Variants in MTAP observed in about 807,000 individuals in gnomAD.
The protein encoded by MTAP is S-methyl-5'-thioadenosine phosphorylase.
MTAP carries 33 observed loss-of-function variants against 33.6 expected under a neutral mutation model. The ratio of observed to expected loss-of-function variants is 0.98; its 90% CI spans 0.74 to 1.31. The LOEUF (loss-of-function observed/expected upper bound fraction) is 1.31, where lower values mean the gene tolerates loss of function less well. MTAP is among the 40% of genes most tolerant of loss of function. The pLI, the probability that MTAP is intolerant of heterozygous loss-of-function variation, is 0.00. For synonymous variants in MTAP, 148 were observed against 125.7 expected (o/e 1.18, Z -1.19); for missense variants, 367 against 360.0 (o/e 1.02, Z -0.16).
chr9:21,913,777 TG>T (rs1442549151), intron 1 of MTAP, among the ~76,000 whole-genome samples: 4 of 152,072 alleles, frequency 2.6e-5, no homozygotes, highest in African/African-American at 9.7e-5. Flanking sequence ...AATTGACAAA[TG>T]GGATCTAATT....
At chr9:21,888,727 CT>C (rs2118737551) in intron 1 of MTAP, among the ~76,000 whole-genome samples, 1 of 152,186 alleles carries the variant, frequency 6.6e-6, no homozygotes, top group East Asian at 1.9e-4. Context: ...TTAGGTGAGT[CT>C]CTTGAAGACT....
At chr9:21,819,298 A>G (rs1437595858) in intron 4 of MTAP, among the ~76,000 whole-genome samples, 3 of 151,398 alleles carry the variant, frequency 2.0e-5, no homozygotes, top group African/African-American at 7.3e-5. Context: ...CACTCCCCCA[A>G]CCCCACAAGA....
At chr9:21,813,400 G>A (rs1369523390) in intron 1 of MTAP, among the ~76,000 whole-genome samples, 1 of 152,234 alleles carries the variant, frequency 6.6e-6, no homozygotes, top group African/African-American at 2.4e-5. Context: ...TGAGGGCTGA[G>A]TTGCCAGCTA....
At chr9:21,837,819 C>A in intron 4 of MTAP, 89 bp from the exon 5 acceptor site, 1 of 949,738 alleles carries the variant, frequency 1.1e-6, no homozygotes, top group Non-Finnish European at 1.6e-6. Context: ...AAATATTGAC[C>A]TAGATAAAGT....
At chr9:21,936,736 T>C (rs1359527283) in exon 8 of MTAP, 1 of 152,160 alleles carries the variant, frequency 6.6e-6, no homozygotes, top group Admixed American at 6.5e-5. Context: ...TAGTTTTCAC[T>C]AGAAATTGAA....
rs1825783577 is a variant in MTAP at position 21,862,948 on chromosome 9, C to T, written c.*934C>T. 4 of 982,002 alleles carry T rather than the reference C, an allele frequency of 4.1e-6. No homozygotes were observed. The South Asian group carries it at 1.9e-4, about 46-fold the overall frequency. 60.8% of individuals were successfully genotyped at this position (982,002 alleles called of 1,614,324 possible). A position where few individuals can be genotyped will look rare whatever the true frequency, so the allele number is the denominator to read the frequency against. On this transcript the variant is annotated 3_prime_UTR_variant, in exon 8 of 8. Coordinates refer to ENST00000644715, the MANE Select transcript of MTAP (RefSeq NM_002451.4). ...AAAATAAAAGTGGATTTAGAAAGAT[C>T]CAGTTCTTGAAAACACTGTTTCTGG...
rs146131601 is a variant in MTAP at position 21,899,791 on chromosome 9, A to T, written c.148-31217A>T. On this transcript the variant is annotated intron_variant, in intron 1 of 1. Transcript: ENST00000577563. ...AATTCAAGGTGAGATTTGGATGGGA[A>T]CACAGAGCCAAACCATATCAGTACT... is the stretch of plus-strand genomic sequence containing the variant. Among the ~76,000 whole-genome samples, 838 of 152,140 alleles carry T rather than the reference A, an allele frequency of 5.5e-3. 16 individuals carry two copies. Among genetic ancestry groups the T allele is most frequent in the East Asian group, 0.051 (264 of 5,172 alleles).
intron 1 of MTAP, among the ~76,000 whole-genome samples, chr9:21,910,437 T>C (rs1818553249): frequency 6.6e-6 from 1 of 152,164 alleles, no homozygotes; most frequent in Admixed American, 6.6e-5. Context: ...TGGTCACTAT[T>C]GGAAGATGAC....
At chr9:21,872,549 T>C (rs1022028794) in intron 1 of MTAP, among the ~76,000 whole-genome samples, 3 of 152,206 alleles carry the variant, frequency 2.0e-5, no homozygotes, top group African/African-American at 7.2e-5. Context: ...CTCATCAGTG[T>C]TATATACAAA....
rs1052388091 is a variant in MTAP at position 21,802,654 on chromosome 9, C to T, written c.-95C>T. ...CCCTGGTCTCCGCACTGCTCACTCC[C>T]GCGCAGTGAGGTTGGCACAGCCACC... On this transcript the variant is annotated 5_prime_UTR_variant, in exon 1 of 8. Transcript: ENST00000644715. 5.0e-6 allele frequency: 7 copies of T among 1,412,392 alleles called. No individual in the cohort carries two copies. Among genetic ancestry groups the T allele is most frequent in the African/African-American group, 1.4e-5 (1 of 69,996 alleles). The allele number at this position is 1,412,392 out of a possible 1,614,324, so 87.5% of individuals were successfully genotyped here.
intron 1 of MTAP, among the ~76,000 whole-genome samples, chr9:21,924,048 A>G (rs548786913): frequency 4.6e-5 from 7 of 152,202 alleles, no homozygotes; most frequent in Non-Finnish European, 7.3e-5. Flanking sequence ...TGAAACTCCA[A>G]GGATAAATAG....
In MTAP at chr9:21,862,878, C is replaced by T. The variant is rs929376129; in HGVS notation, c.*864C>T. The T allele has an allele frequency of 4.6e-6, 4 of 869,910 alleles. No homozygotes were observed. The highest frequency in any genetic ancestry group is 5.5e-6 in the Non-Finnish European group (4 of 725,788). The allele number at this position is 869,910 out of a possible 1,614,324, so 53.9% of individuals were successfully genotyped here. On this transcript the variant is annotated 3_prime_UTR_variant, in exon 8 of 8. Coordinates refer to ENST00000644715, the MANE Select transcript of MTAP (RefSeq NM_002451.4). ...TTTTCTTTGAATCTTTCTGTGTCTT[C>T]ACATTTTTCTACAGTGAATTTAATC...
chr9:21,826,131 A>C (rs1443546158), intron 4 of MTAP, among the ~76,000 whole-genome samples: 1 of 152,066 alleles, frequency 6.6e-6, no homozygotes, highest in Admixed American at 6.5e-5. Context: ...TATACACAAA[A>C]GAATAATAAT....
At chr9:21,808,288 A>C (rs1439969862) in intron 1 of MTAP, among the ~76,000 whole-genome samples, 1 of 152,162 alleles carries the variant, frequency 6.6e-6, no homozygotes, top group Non-Finnish European at 1.5e-5. Context: ...GAGTGGCTTA[A>C]GACAACACAC....
In MTAP at chr9:21,815,524, A is replaced by T; in HGVS notation, c.120+5A>T. 2 of 1,586,052 alleles carry T rather than the reference A, an allele frequency of 1.3e-6. No homozygotes were observed. Among genetic ancestry groups the T allele is most frequent in the Non-Finnish European group, 1.7e-6 (2 of 1,156,644 alleles). On this transcript the variant is annotated splice_donor_5th_base_variant and intron_variant, in intron 2 of 7. Transcript: ENST00000644715. ...GTGGATACTCCATTTGGCAAGGTTAATATCCAACTTGTGGAGACATGTTTT... is the reference window on the plus strand; with the variant it reads ...GTGGATACTCCATTTGGCAAGGTTATTATCCAACTTGTGGAGACATGTTTT...
chr9:21,811,293 C>T (rs1008079947), intron 1 of MTAP, among the ~76,000 whole-genome samples: 2 of 152,162 alleles, frequency 1.3e-5, no homozygotes, highest in African/African-American at 4.8e-5. Context: ...CTCCTGTAGC[C>T]AGGTACTAGA....
intron 6 of MTAP, 55 bp downstream of exon 6, chr9:21,854,925 G>A: frequency 1.3e-6 from 2 of 1,593,512 alleles, no homozygotes; most frequent in Non-Finnish European, 1.7e-6. Context: ...GTGCCAATAG[G>A]GTGTCTTAAC....
At chr9:21,846,550 C>T (rs1825387635) in intron 5 of MTAP, among the ~76,000 whole-genome samples, 1 of 152,200 alleles carries the variant, frequency 6.6e-6, no homozygotes. Context: ...CACCTTACTC[C>T]TGCAAGAATG....
chr9:21,849,215 T>C (rs1825453423), intron 5 of MTAP, among the ~76,000 whole-genome samples: 1 of 152,168 alleles, frequency 6.6e-6, no homozygotes. Flanking sequence ...CAACAATTTA[T>C]GCTGTGAATC....
Sources: gnomAD v4.1 joint callset for allele counts (sites outside exome capture counted in the v4.1 genomes callset) on GRCh38, gnomAD v4.1.1 for gene constraint, MANE v1.5 for transcripts, NCBI Gene and HGNC (gene_info 2026-07-23, HGNC 2026-07-21) for gene names.